CTNNA3: variants seen among roughly 807,000 people sequenced by gnomAD.
The protein encoded by CTNNA3 is catenin alpha 3, also known as catenin alpha-3.
Under a neutral mutation model 95.7 loss-of-function variants are expected in CTNNA3, and 76 were observed. The ratio of observed to expected loss-of-function variants is 0.79; its 90% confidence interval spans 0.66 to 0.96. CTNNA3 has a LOEUF of 0.96. Among genes scored for constraint, CTNNA3 ranks in the 40% least tolerant of loss-of-function variants. The probability of loss-of-function intolerance (pLI) is 0.00; values close to 1 mark genes in which losing one functional copy is unlikely to be tolerated. For missense variants in CTNNA3, 1,191 were observed against 1,089.8 expected (o/e 1.09, Z -1.31); for synonymous variants, 431 against 374.4 (o/e 1.15, Z -1.74).
At chr10:66,470,880 A>G (rs1230666989) in intron 11 of CTNNA3, among the ~76,000 whole-genome samples, 1 of 151,932 alleles carries the variant, frequency 6.6e-6, no homozygotes, top group Non-Finnish European at 1.5e-5. Context: ...CTGAAGGACT[A>G]AAGTCTGAGC....
chr10:66,532,211 C>T (rs1023867307), intron 10 of CTNNA3, among the ~76,000 whole-genome samples: 1 of 151,972 alleles, frequency 6.6e-6, no homozygotes, highest in Non-Finnish European at 1.5e-5. Flanking sequence ...ACCTGTAATC[C>T]CAGCCTTTTA....
intron 12 of CTNNA3, among the ~76,000 whole-genome samples, chr10:66,375,376 C>T (rs955258668): frequency 1.8e-4 from 28 of 151,910 alleles, no homozygotes; most frequent in African/African-American, 6.5e-4. Flanking sequence ...GGCCAAGGCT[C>T]AGTGAAAAAG....
chr10:67,740,537 G>A (rs143868731), intron 1 of CTNNA3, among the ~76,000 whole-genome samples: 4,810 of 151,270 alleles, frequency 0.032, 322 homozygotes, highest in African/African-American at 0.11. Context: ...ACATTTATGC[G>A]GCCAAAAAAC....
intron 3 of CTNNA3, among the ~76,000 whole-genome samples, chr10:67,555,987 CT>C (rs1356503668): frequency 1.3e-5 from 2 of 152,050 alleles, no homozygotes; most frequent in African/African-American, 4.8e-5. Flanking sequence ...CTGTCGAAGC[CT>C]TTTCTGCATC....
intron 14 of CTNNA3, among the ~76,000 whole-genome samples, chr10:66,081,312 G>T (rs952335592): frequency 6.6e-6 from 1 of 152,000 alleles, no homozygotes. Context: ...AGAAGGACCT[G>T]TTAAAAAGAA....
chr10:67,162,666 A>G (rs1252504894), intron 7 of CTNNA3, among the ~76,000 whole-genome samples: 4 of 151,956 alleles, frequency 2.6e-5, no homozygotes, highest in Non-Finnish European at 5.9e-5. Context: ...TAAAGAACAC[A>G]AATAAAATTG....
chr10:66,015,645 G>T (rs1389407598), intron 15 of CTNNA3, among the ~76,000 whole-genome samples: 4 of 151,934 alleles, frequency 2.6e-5, no homozygotes, highest in African/African-American at 4.8e-5. Flanking sequence ...GACTGAGATT[G>T]CTGGGTTGCA....
intron 5 of CTNNA3, among the ~76,000 whole-genome samples, chr10:67,375,569 C>T (rs1438994902): frequency 6.6e-6 from 1 of 151,956 alleles, no homozygotes; most frequent in Non-Finnish European, 1.5e-5. Context: ...GCCAAGAGCA[C>T]TCCACCCTGG....
chr10:66,290,319 G>A (rs1187388563), intron 12 of CTNNA3, among the ~76,000 whole-genome samples: 1 of 151,948 alleles, frequency 6.6e-6, no homozygotes, highest in East Asian at 1.9e-4. Context: ...AAAAATCCTA[G>A]AGTTAAGGTA....
At chr10:66,811,720 G>C (rs922551323) in intron 7 of CTNNA3, among the ~76,000 whole-genome samples, 2 of 152,168 alleles carry the variant, frequency 1.3e-5, no homozygotes, top group South Asian at 4.1e-4. Context: ...GCTAGGAATT[G>C]TGCATGATCG....
At chr10:67,192,300 C>A (rs4746675) in intron 6 of CTNNA3, among the ~76,000 whole-genome samples, 55,214 of 151,364 alleles carry the variant, frequency 0.36, 14,398 homozygotes, top group African/African-American at 0.75. Context: ...CAACCAAAAA[C>A]ATGAAAAGGC....
At chr10:67,408,882 C>CAAAAAAAAAAAAAAAAAAAAAAA in intron 5 of CTNNA3, among the ~76,000 whole-genome samples, 1 of 97,198 alleles carries the variant, frequency 1.0e-5, no homozygotes, top group Non-Finnish European at 1.9e-5. Context: ...CTTAAATTTA[C>CAAAAAAAAAAAAAAAAAAAAAAA]AAAAAAAAAA....
chr10:66,947,626 A>C (rs888645315), intron 7 of CTNNA3, among the ~76,000 whole-genome samples: 5 of 152,126 alleles, frequency 3.3e-5, no homozygotes, highest in African/African-American at 1.2e-4. Flanking sequence ...GGACTTCATA[A>C]TTTGTATTTT....
chr10:67,380,014 C>T, intron 5 of CTNNA3, among the ~76,000 whole-genome samples: 2 of 98,190 alleles, frequency 2.0e-5, no homozygotes, highest in Admixed American at 1.3e-4. Context: ...GAGTGAGACT[C>T]CGTCTCAAAA....
intron 17 of CTNNA3, among the ~76,000 whole-genome samples, chr10:65,956,178 A>G (rs1282183764): frequency 6.6e-6 from 1 of 152,098 alleles, no homozygotes; most frequent in Admixed American, 6.5e-5. Context: ...ATTTGTGTAG[A>G]GGTGTTTATA....
intron 11 of CTNNA3, among the ~76,000 whole-genome samples, chr10:66,502,372 A>G (rs1206363511): frequency 6.6e-6 from 1 of 152,120 alleles, no homozygotes; most frequent in South Asian, 2.1e-4. Context: ...TGTATTTTTT[A>G]TTATAAATGT....
intron 3 of CTNNA3, among the ~76,000 whole-genome samples, chr10:67,546,023 A>G (rs10997705): frequency 0.058 from 8,774 of 152,274 alleles, 273 homozygotes; most frequent in South Asian, 0.14. Flanking sequence ...ATAAATTTCA[A>G]TATTAAGGAA....
chr10:66,806,751 CATATATGTGTGTGTGT>C (rs1841660165), intron 7 of CTNNA3, among the ~76,000 whole-genome samples: 1 of 91,680 alleles, frequency 1.1e-5, no homozygotes, highest in Non-Finnish European at 2.2e-5. Context: ...GAGAATGTGG[CATATATGTGTGTGTGT>C]GTGTGTGTGT....
At chr10:66,961,107 G>T (rs553246209) in intron 7 of CTNNA3, among the ~76,000 whole-genome samples, 1 of 152,204 alleles carries the variant, frequency 6.6e-6, no homozygotes, top group East Asian at 1.9e-4. Flanking sequence ...CAATAGCAAG[G>T]TCTTCTAGCA....
Sources: allele counts gnomAD v4.1 joint callset (sites outside exome capture counted in the v4.1 genomes callset), GRCh38; gene constraint gnomAD v4.1.1; transcripts MANE v1.5; gene names NCBI Gene and HGNC (gene_info 2026-07-23, HGNC 2026-07-21).